MAN1A2: variants seen among roughly 807,000 people sequenced by gnomAD.
MAN1A2 encodes the protein mannosidase alpha class 1A member 2, also known as mannosyl-oligosaccharide 1,2-alpha-mannosidase IB.
A neutral mutation model predicts 75.7 loss-of-function variants in MAN1A2; 26 were observed. That is an observed-to-expected ratio of 0.34 (90% CI 0.25 to 0.48). The LOEUF (loss-of-function observed/expected upper bound fraction) is 0.48, where lower values mean the gene tolerates loss of function less well. Among genes scored for constraint, MAN1A2 ranks in the 20% least tolerant of loss-of-function variants. The probability of loss-of-function intolerance (pLI) is 0.99; values close to 1 mark genes in which losing one functional copy is unlikely to be tolerated. For synonymous variants in MAN1A2, 247 were observed against 264.6 expected, an observed-to-expected ratio of 0.93 and a Z score of 0.65; for missense variants, 562 against 775.5, an observed-to-expected ratio of 0.72 and a Z score of 3.27.
chr1:117,452,399 C>A (rs1378404725), intron 6 of MAN1A2, among the ~76,000 whole-genome samples: 1 of 151,890 alleles, frequency 6.6e-6, no homozygotes, highest in Non-Finnish European at 1.5e-5. Flanking sequence ...AAAAACTAGG[C>A]CTCTTGTGCC....
chr1:117,465,669 C>T (rs1390083975), intron 7 of MAN1A2, among the ~76,000 whole-genome samples: 2 of 152,130 alleles, frequency 1.3e-5, no homozygotes, highest in Non-Finnish European at 2.9e-5. Context: ...CCTCCTCCCA[C>T]CTCCAGGGGC....
rs12058252 is a variant in MAN1A2, at chr1:117,449,000, T to C, written c.950+6675T>C. 3.7e-3 allele frequency among the ~76,000 whole-genome samples: 568 copies of C among 152,324 alleles called. 7 individuals are homozygous for C. Among genetic ancestry groups the C allele is most frequent in the African/African-American group, 0.013 (539 of 41,568 alleles). On this transcript the variant is annotated intron_variant, in intron 6 of 12. Transcript: ENST00000356554. Reference sequence around the variant, plus strand: ...AATATTTTAAAACTTTTCATTATTATTACATCTGTTATAGTAATATGTGAT... The same window carrying C: ...AATATTTTAAAACTTTTCATTATTACTACATCTGTTATAGTAATATGTGAT...
At chr1:117,476,345 GA>G (rs1263664886) in intron 8 of MAN1A2, among the ~76,000 whole-genome samples, 6 of 152,118 alleles carry the variant, frequency 3.9e-5, no homozygotes, top group Non-Finnish European at 7.4e-5. Flanking sequence ...TTGCTGTGCA[GA>G]AGCTCTTTAG....
intron 1 of MAN1A2, among the ~76,000 whole-genome samples, chr1:117,397,011 C>T (rs1463318488): frequency 6.6e-6 from 1 of 151,400 alleles, no homozygotes; most frequent in Non-Finnish European, 1.5e-5. Context: ...TCTTTGTCTC[C>T]TGACTTTTGG....
intron 1 of MAN1A2, among the ~76,000 whole-genome samples, chr1:117,384,702 C>G (rs749563177): frequency 6.6e-6 from 1 of 152,046 alleles, no homozygotes; most frequent in African/African-American, 2.4e-5. Context: ...GTCTGTTTCT[C>G]CCTTCATTTC....
intron 8 of MAN1A2, among the ~76,000 whole-genome samples, chr1:117,487,180 A>G (rs1340575567): frequency 6.6e-6 from 1 of 152,098 alleles, no homozygotes; most frequent in Admixed American, 6.6e-5. Context: ...AAGGGTTTGC[A>G]TCCCACACAC....
At chr1:117,388,097 A>G (rs985676068) in intron 1 of MAN1A2, among the ~76,000 whole-genome samples, 1 of 152,072 alleles carries the variant, frequency 6.6e-6, no homozygotes, top group African/African-American at 2.4e-5. Flanking sequence ...TCTGAGAGAT[A>G]ATATCTTAGT....
chr1:117,445,619 C>T (rs977677405), intron 6 of MAN1A2, among the ~76,000 whole-genome samples: 11 of 151,606 alleles, frequency 7.3e-5, no homozygotes, highest in Admixed American at 1.3e-4. Context: ...CTTGACCTGC[C>T]GGGCTTAAGT....
chr1:117,499,038 A>G (rs12091306), intron 10 of MAN1A2, among the ~76,000 whole-genome samples: 18,832 of 151,822 alleles, frequency 0.12, 1,221 homozygotes, highest in Non-Finnish European at 0.14. Flanking sequence ...ATATACTTTT[A>G]TTTTAGACCA....
At chr1:117,437,015 CTT>C (rs1648871244) in intron 5 of MAN1A2, among the ~76,000 whole-genome samples, 1 of 152,110 alleles carries the variant, frequency 6.6e-6, no homozygotes, top group Non-Finnish European at 1.5e-5. Flanking sequence ...GTTTCTGTCT[CTT>C]TGTGTTAACC....
intron 8 of MAN1A2, among the ~76,000 whole-genome samples, chr1:117,490,367 C>T (rs1294138442): frequency 6.6e-6 from 1 of 151,918 alleles, no homozygotes; most frequent in African/African-American, 2.4e-5. Flanking sequence ...TTATAGTGAT[C>T]CGTAATCAGT....
rs533693922 is a variant in MAN1A2, at chr1:117,460,664, T to C, written c.1074+52T>C. On this transcript the variant is annotated intron_variant, in intron 7 of 12. Transcript: ENST00000356554. ...GTTTGTTATAAAGAGTCCTTTAAGATTGGCCCAAAGATTTGATTAATGCTT... is the reference window on the plus strand; with the variant it reads ...GTTTGTTATAAAGAGTCCTTTAAGACTGGCCCAAAGATTTGATTAATGCTT... The C allele has an allele frequency of 2.9e-5, 44 of 1,524,162 alleles. 1 individual carries two copies. In the East Asian group the frequency reaches 4.0e-4, roughly 14 times the overall value. The allele number at this position is 1,524,162 out of a possible 1,614,324, so 94.4% of individuals were successfully genotyped here. A position where few individuals can be genotyped will look rare whatever the true frequency, so the allele number is the denominator to read the frequency against.
intron 7 of MAN1A2, 43 bp downstream of exon 7, chr1:117,460,655 C>A: frequency 6.5e-7 from 1 of 1,534,638 alleles, no homozygotes. Context: ...TATAAAGAGT[C>A]CTTTAAGATT....
chr1:117,429,602 C>T (rs1157671823), intron 5 of MAN1A2, among the ~76,000 whole-genome samples: 4 of 113,494 alleles, frequency 3.5e-5, no homozygotes, highest in East Asian at 2.6e-4. Context: ...ACCTCCCTCC[C>T]GGATGGGGCG....
At chr1:117,462,555 C>G (rs1193316454) in intron 7 of MAN1A2, among the ~76,000 whole-genome samples, 2 of 152,018 alleles carry the variant, frequency 1.3e-5, no homozygotes, top group Admixed American at 6.6e-5. Flanking sequence ...CTCAGTACAT[C>G]CAGAGAACAA....
intron 1 of MAN1A2, among the ~76,000 whole-genome samples, chr1:117,388,483 T>C (rs1044969142): frequency 6.6e-6 from 1 of 152,160 alleles, no homozygotes; most frequent in Non-Finnish European, 1.5e-5. Flanking sequence ...CAACATCTGC[T>C]TCTGAAGAGG....
intron 3 of MAN1A2, among the ~76,000 whole-genome samples, chr1:117,413,392 A>G (rs1234818111): frequency 6.6e-6 from 1 of 152,006 alleles, no homozygotes; most frequent in African/African-American, 2.4e-5. Flanking sequence ...ATTTCTACTC[A>G]GTAGAAAGAG....
intron 6 of MAN1A2, among the ~76,000 whole-genome samples, chr1:117,458,524 T>TATATAA (rs373076182): frequency 3.2e-3 from 230 of 71,592 alleles, no homozygotes; most frequent in South Asian, 5.3e-3. Context: ...TATATATATA[T>TATATAA]TTTTTTTTTT....
In MAN1A2 at chr1:117,387,155, A is replaced by T. The variant is rs190367722; in HGVS notation, c.303-15031A>T. ...AAGATGCTCAACACCACTAATCATT[A>T]GGGAAATATAAAGCAAAACCACAAT... On this transcript the variant is annotated intron_variant, in intron 1 of 12. Coordinates refer to ENST00000356554, the MANE Select transcript of MAN1A2 (RefSeq NM_006699.5). 7.1e-4 allele frequency among the ~76,000 whole-genome samples: 108 copies of T among 151,548 alleles called. 1 individual carries two copies. Among genetic ancestry groups the T allele is most frequent in the African/African-American group, 2.6e-3 (107 of 41,312 alleles).
Sources: gnomAD v4.1 joint callset for allele counts (sites outside exome capture counted in the v4.1 genomes callset) on GRCh38, gnomAD v4.1.1 for gene constraint, MANE v1.5 for transcripts, NCBI Gene and HGNC (gene_info 2026-07-23, HGNC 2026-07-21) for gene names.